The following SLC14A2 variants were observed in gnomAD, a reference collection of about 807,000 sequenced individuals.
SLC14A2 encodes solute carrier family 14 member 2.
SLC14A2 carries 91 observed loss-of-function variants against 104.6 expected under a neutral mutation model. That is an observed-to-expected ratio of 0.87 (90% CI 0.73 to 1.04). The LOEUF is 1.04. SLC14A2 is among the 50% of genes least tolerant of loss of function. The pLI is 0.00. For synonymous variants in SLC14A2, 476 were observed against 466.4 expected, an observed-to-expected ratio of 1.02 and a Z score of -0.27; for missense variants, 1,189 against 1,156.0, an observed-to-expected ratio of 1.03 and a Z score of -0.41.
chr18:45,648,194 G>GTTTTTTTT (rs2045655326), intron 10 of SLC14A2, among the ~76,000 whole-genome samples: 1 of 96,636 alleles, frequency 1.0e-5, no homozygotes, highest in African/African-American at 4.5e-5. Context: ...TCTAGTTAAT[G>GTTTTTTTT]CTTTTTTTTT....
At chr18:45,348,965 A>G (rs2085475862) in intron 1 of SLC14A2, among the ~76,000 whole-genome samples, 1 of 152,224 alleles carries the variant, frequency 6.6e-6, no homozygotes, top group South Asian at 2.1e-4. Context: ...TGTCAGAGGT[A>G]TCAGCTTGCT....
intron 1 of SLC14A2, among the ~76,000 whole-genome samples, chr18:45,216,144 G>T (rs1272883630): frequency 6.6e-6 from 1 of 152,146 alleles, no homozygotes; most frequent in Non-Finnish European, 1.5e-5. Flanking sequence ...TAGTAGTGGG[G>T]TAGATTTAAG....
chr18:45,558,992 T>C (rs1599004024), intron 2 of SLC14A2, among the ~76,000 whole-genome samples: 2 of 152,112 alleles, frequency 1.3e-5, no homozygotes, highest in Admixed American at 6.5e-5. Context: ...GGTTTCACCA[T>C]GTTGGCCAGG....
chr18:45,495,073 T>A (rs1175526150), intron 2 of SLC14A2, among the ~76,000 whole-genome samples: 1 of 152,090 alleles, frequency 6.6e-6, no homozygotes, highest in African/African-American at 2.4e-5. Context: ...GATCCTAGAT[T>A]CCCCTAAATT....
intron 1 of SLC14A2, among the ~76,000 whole-genome samples, chr18:45,261,663 G>T (rs973097551): frequency 2.6e-5 from 4 of 151,786 alleles, no homozygotes; most frequent in East Asian, 3.9e-4. Flanking sequence ...GCGGTGTTTG[G>T]TTTTTTGTCC....
At chr18:45,573,354 C>T (rs1244179656) in intron 2 of SLC14A2, among the ~76,000 whole-genome samples, 1 of 151,858 alleles carries the variant, frequency 6.6e-6, no homozygotes, top group Admixed American at 6.6e-5. Context: ...GGATTCCAGC[C>T]CCACCAGAAG....
At chr18:45,560,412 T>C (rs1438117848) in intron 2 of SLC14A2, among the ~76,000 whole-genome samples, 2 of 152,172 alleles carry the variant, frequency 1.3e-5, no homozygotes, top group Non-Finnish European at 2.9e-5. Context: ...ACCTCCTTTT[T>C]ATCCATATAC....
chr18:45,188,896 G>C, the SLC14A2 span, among the ~76,000 whole-genome samples: 1 of 152,184 alleles, frequency 6.6e-6, no homozygotes, highest in Admixed American at 6.5e-5. Context: ...TGGAAATAAA[G>C]TATGAGCTAT....
chr18:45,409,197 T>C (rs2086188150), intron 1 of SLC14A2, among the ~76,000 whole-genome samples: 1 of 152,212 alleles, frequency 6.6e-6, no homozygotes, highest in Non-Finnish European at 1.5e-5. Flanking sequence ...AGTCTCCAGG[T>C]TCTCATTCTT....
At chr18:45,430,554 ATT>A (rs2086498517) in intron 1 of SLC14A2, among the ~76,000 whole-genome samples, 1 of 151,096 alleles carries the variant, frequency 6.6e-6, no homozygotes, top group Non-Finnish European at 1.5e-5. Context: ...ATTTTATTTT[ATT>A]TTATTTTATT....
At chr18:45,515,165 A>T (rs1373333534) in intron 2 of SLC14A2, among the ~76,000 whole-genome samples, 1 of 152,206 alleles carries the variant, frequency 6.6e-6, no homozygotes, top group Non-Finnish European at 1.5e-5. Context: ...TTGTGGATAA[A>T]TATTTGTTCA....
At chr18:45,675,165 G>A (rs2046205816) in intron 18 of SLC14A2, among the ~76,000 whole-genome samples, 1 of 152,200 alleles carries the variant, frequency 6.6e-6, no homozygotes, top group African/African-American at 2.4e-5. Flanking sequence ...GACGATCTCA[G>A]GAAACATGAG....
At chr18:45,414,757 A>AAAAAAAATATATATATATATATAT (rs1360051908) in intron 1 of SLC14A2, among the ~76,000 whole-genome samples, 1 of 76,124 alleles carries the variant, frequency 1.3e-5, no homozygotes, top group African/African-American at 7.7e-5. Flanking sequence ...AAAAAAAAAA[A>AAAAAAAATATATATATATATATAT]ATATATATAT....
Position 45,400,907 on chromosome 18 carries a change from C to T in SLC14A2, c.-124-82326C>T, listed in dbSNP as rs559424962. Among the ~76,000 whole-genome samples the T allele has an allele frequency of 3.9e-5, 6 of 152,350 alleles. No homozygotes were observed. In the South Asian group the frequency reaches 1.2e-3, roughly 32 times the overall value. On this transcript the variant is annotated intron_variant, in intron 1 of 20. Coordinates refer to the SLC14A2 transcript ENST00000586448. ...TTTGGCCAGAAGGAGCCCCTTCGAA[C>T]TTCCTCCTGTGTCCTTTTCATCTGG...
intron 1 of SLC14A2, among the ~76,000 whole-genome samples, chr18:45,408,272 G>C (rs946227996): frequency 6.6e-6 from 1 of 152,060 alleles, no homozygotes; most frequent in Non-Finnish European, 1.5e-5. Context: ...GGGTAATTCT[G>C]GGAAAGAAAA....
intron 1 of SLC14A2, among the ~76,000 whole-genome samples, chr18:45,395,840 T>G (rs1370036968): frequency 1.3e-5 from 2 of 152,140 alleles, no homozygotes; most frequent in Non-Finnish European, 2.9e-5. Context: ...CTTTCAGATT[T>G]CTTTTCACCC....
intron 1 of SLC14A2, among the ~76,000 whole-genome samples, chr18:45,414,757 A>AAAAAATATATATATATATATATATAT (rs1360051908): frequency 2.6e-5 from 2 of 76,100 alleles, no homozygotes; most frequent in African/African-American, 7.7e-5. Flanking sequence ...AAAAAAAAAA[A>AAAAAATATATATATATATATATATAT]ATATATATAT....
chr18:45,193,898 T>G, the SLC14A2 span, among the ~76,000 whole-genome samples: 1 of 152,180 alleles, frequency 6.6e-6, no homozygotes, highest in Non-Finnish European at 1.5e-5. Flanking sequence ...TCAGTACCAT[T>G]TTGTGTTTTT....
chr18:45,345,519 TTA>T (rs1568160947), intron 1 of SLC14A2, among the ~76,000 whole-genome samples: 1 of 152,188 alleles, frequency 6.6e-6, no homozygotes, highest in Non-Finnish European at 1.5e-5. Context: ...CTTTTGTTTA[TTA>T]CCCTGATCTT....
Sources: gnomAD v4.1 joint callset for allele counts (sites outside exome capture counted in the v4.1 genomes callset) on GRCh38, gnomAD v4.1.1 for gene constraint, MANE v1.5 for transcripts, NCBI Gene and HGNC (gene_info 2026-07-23, HGNC 2026-07-21) for gene names.